The following SNW1 variants were observed in gnomAD, a reference collection of about 807,000 sequenced individuals.
The protein encoded by SNW1 is SNW domain-containing protein 1.
SNW1 carries 9 observed loss-of-function variants against 75.6 expected under a neutral mutation model. The ratio of observed to expected loss-of-function variants is 0.12; its 90% CI spans 0.07 to 0.21. SNW1 has a LOEUF of 0.21. Ranked by LOEUF, SNW1 falls within the 10% of genes least tolerant of loss-of-function variation. The pLI is 1.00. For missense variants in SNW1, 409 were observed against 670.9 expected (o/e 0.61, Z 4.31); for synonymous variants, 200 against 219.1 (o/e 0.91, Z 0.77).
At chr14:77,720,470 A>G in intron 12 of SNW1, 1 of 702,090 alleles carries the variant, frequency 1.4e-6, no homozygotes, top group Non-Finnish European at 2.6e-6. Flanking sequence ...AGGTTGACAT[A>G]CCACAACACC....
chr14:77,740,337 A>G (rs534903113), intron 3 of SNW1, among the ~76,000 whole-genome samples: 1 of 152,204 alleles, frequency 6.6e-6, no homozygotes, highest in East Asian at 1.9e-4. Flanking sequence ...CTACAAGCCA[A>G]AGTCTTATAT....
rs1194769278 is a variant in SNW1, at chr14:77,754,995, C to T, written c.140G>A (p.Arg47Gln). 5 of 1,606,120 alleles carry T rather than the reference C, an allele frequency of 3.1e-6. No homozygotes were observed. Among genetic ancestry groups the T allele is most frequent in the Admixed American group, 1.7e-5 (1 of 59,198 alleles). The change falls in exon 2 of 14, where the codon CGG (arginine) becomes CAG (glutamine). Residue 47 changes from arginine to glutamine, a missense_variant. Transcript: ENST00000261531. Reference sequence around the variant, plus strand: ...TAATAACCGAGGTATCCAGCCTTTCCGGTATCCGTACGGGGGAGGTTCTCT... The same window carrying T: ...TAATAACCGAGGTATCCAGCCTTTCTGGTATCCGTACGGGGGAGGTTCTCT... ...SRREPPPYGYRKGWIPRLLED... is the reference protein window; with the variant it reads ...SRREPPPYGYQKGWIPRLLED...
chr14:77,747,986 G>A (rs1037915164), intron 3 of SNW1, among the ~76,000 whole-genome samples: 4 of 152,238 alleles, frequency 2.6e-5, no homozygotes, highest in Admixed American at 2.0e-4. Flanking sequence ...GAAATGTGGG[G>A]AAAAGATAGA....
chr14:77,755,079 T>A lies in SNW1; in HGVS notation c.56A>T (p.Glu19Val), dbSNP rs1373598180. The change falls in exon 2 of 14, where the codon GAG becomes GTG. Residue 19 changes from glutamate (E) to valine (V), a missense_variant. Physicochemically the swap from Glu to Val is moderately radical, Grantham distance 121. Coordinates refer to ENST00000261531, the MANE Select transcript of SNW1 (RefSeq NM_012245.3). ...APTQLSQDQL[E>V]AEEKARSQRS... ...CTGGGATCTTGCCTTTTCTTCAGCC[T>A]CAAGCTGGTCCTGAGATAGCTGAGT... 1 of 1,613,094 alleles carries A rather than the reference T, an allele frequency of 6.2e-7. No homozygotes were observed. The highest frequency in any genetic ancestry group is 8.5e-7 in the Non-Finnish European group (1 of 1,179,952).
intron 3 of SNW1, among the ~76,000 whole-genome samples, chr14:77,747,191 T>G (rs536790402): frequency 1.3e-5 from 2 of 152,298 alleles, no homozygotes; most frequent in African/African-American, 4.8e-5. Flanking sequence ...GGTGCCGGGA[T>G]TGCAGACGGA....
At chr14:77,737,469 A>G (rs1318147590) in intron 5 of SNW1, among the ~76,000 whole-genome samples, 1 of 152,174 alleles carries the variant, frequency 6.6e-6, no homozygotes, top group Non-Finnish European at 1.5e-5. Flanking sequence ...ATAGGTTATA[A>G]AACAGAGAAA....
At chr14:77,740,762 T>G (rs953381528) in intron 3 of SNW1, among the ~76,000 whole-genome samples, 4 of 152,106 alleles carry the variant, frequency 2.6e-5, no homozygotes, top group Admixed American at 6.5e-5. Context: ...CAGCATGAAA[T>G]TATCTACTTT....
chr14:77,758,333 A>AAAAAC (rs386381889), intron 1 of SNW1, among the ~76,000 whole-genome samples: 7 of 151,670 alleles, frequency 4.6e-5, no homozygotes, highest in Admixed American at 1.3e-4. Context: ...AAAAAAAAAA[A>AAAAAC]AAAGAACAAA....
chr14:77,717,996 T>A lies in SNW1; in HGVS notation c.*92A>T. On this transcript the variant is annotated 3_prime_UTR_variant, in exon 14 of 14. Coordinates refer to ENST00000261531, the MANE Select transcript of SNW1 (RefSeq NM_012245.3). ...CTGGGATCTGGCACCCAGATTTGGT[T>A]TTTATCCTGACCATTTACAAAGTGT... The A allele has an allele frequency of 7.8e-7, 1 of 1,274,682 alleles. No individual in the cohort carries two copies. Among genetic ancestry groups the A allele is most frequent in the South Asian group, 1.7e-5 (1 of 58,206 alleles). 79.0% of individuals were successfully genotyped at this position (1,274,682 alleles called of 1,614,324 possible). A position where few individuals can be genotyped will look rare whatever the true frequency, so the allele number is the denominator to read the frequency against.
chr14:77,743,791 C>T (rs2080737139), intron 3 of SNW1, among the ~76,000 whole-genome samples: 1 of 152,110 alleles, frequency 6.6e-6, no homozygotes, highest in South Asian at 2.1e-4. Context: ...GGTAGTGCCA[C>T]TTATGCTAAA....
chr14:77,734,521 C>G lies in SNW1; in HGVS notation c.774+426G>C, dbSNP rs1257597554. Among the ~76,000 whole-genome samples the G allele has an allele frequency of 2.0e-5, 3 of 152,190 alleles. No homozygotes were observed. In the East Asian group the frequency reaches 5.8e-4, roughly 29 times the overall value. On this transcript the variant is annotated intron_variant, in intron 8 of 13. Transcript: ENST00000261531. Reference sequence around the variant, plus strand: ...TTGGGTGGCCGAGGCCGGCGGATCACAAGGTCGGGAGATCAAGACCAACCT... The same window carrying G: ...TTGGGTGGCCGAGGCCGGCGGATCAGAAGGTCGGGAGATCAAGACCAACCT...
At chr14:77,740,135 T>TAAAAAA (rs1170373918) in intron 3 of SNW1, among the ~76,000 whole-genome samples, 3 of 65,190 alleles carry the variant, frequency 4.6e-5, no homozygotes, top group South Asian at 7.6e-4. Context: ...CACTGTATAT[T>TAAAAAA]AAAAAAAAAA....
At chr14:77,746,433 A>G (rs1288302804) in intron 3 of SNW1, among the ~76,000 whole-genome samples, 3 of 152,230 alleles carry the variant, frequency 2.0e-5, no homozygotes, top group Non-Finnish European at 4.4e-5. Flanking sequence ...GATCGTTCAC[A>G]GAGAATAAAT....
rs937607342 is a variant in SNW1 at position 77,751,383 on chromosome 14, T to C, written c.266A>G (p.Gln89Arg). The change falls in exon 3 of 14, where the codon CAG (glutamine) becomes CGG (arginine). Residue 89 changes from glutamine (Q) to arginine (R), a missense_variant. Gln to Arg is a conservative substitution (Grantham distance 43). Transcript: ENST00000261531. The part of the protein sequence containing the change: ...KKKMSNALAI[Q>R]VDSEGKIKYD... ...TTTAATTTTTCCTTCAGAATCCACC[T>C]GAATGGCCAGCGCATTCGACATTTT... is the stretch of plus-strand genomic sequence containing the variant. 4 of 1,613,820 alleles carry C rather than the reference T, an allele frequency of 2.5e-6. No homozygotes were observed. In the African/African-American group the frequency reaches 5.3e-5, roughly 22 times the overall value.
intron 10 of SNW1, among the ~76,000 whole-genome samples, chr14:77,730,330 C>A (rs759243263): frequency 8.5e-5 from 13 of 152,182 alleles, no homozygotes; most frequent in Non-Finnish European, 1.9e-4. Context: ...TATATCCCAT[C>A]CCCCTACCCA....
In SNW1 at chr14:77,747,725, G is replaced by A. The variant is rs953438436; in HGVS notation, c.330+3594C>T. Among the ~76,000 whole-genome samples the A allele has an allele frequency of 3.2e-4, 47 of 147,298 alleles. 4 individuals carry two copies. In the East Asian group the frequency reaches 8.9e-3, roughly 28 times the overall value. On this transcript the variant is annotated intron_variant, in intron 3 of 13. Transcript: ENST00000261531. ...GGAGGTGCGGGGCAGCCCCCGCCCC[G>A]GCAGCCGCCCCGTCTGGGAGGGAGG...
At chr14:77,758,427 C>G (rs1174896041) in intron 1 of SNW1, among the ~76,000 whole-genome samples, 1 of 151,990 alleles carries the variant, frequency 6.6e-6, no homozygotes, top group Admixed American at 6.6e-5. Flanking sequence ...CAGGGCTATC[C>G]CACAGGCAGT....
chr14:77,736,393 C>T (rs1407036536), intron 6 of SNW1, among the ~76,000 whole-genome samples: 1 of 151,904 alleles, frequency 6.6e-6, no homozygotes, highest in East Asian at 1.9e-4. Flanking sequence ...ACTAAAAATA[C>T]AAAAACTTAG....
chr14:77,729,608 C>T (rs986703786), intron 10 of SNW1, among the ~76,000 whole-genome samples: 8 of 152,108 alleles, frequency 5.3e-5, no homozygotes, highest in South Asian at 2.1e-4. Flanking sequence ...ATCTAATATA[C>T]TGTATGTTAA....
Sources: allele counts gnomAD v4.1 joint callset (sites outside exome capture counted in the v4.1 genomes callset), GRCh38; gene constraint gnomAD v4.1.1; transcripts MANE v1.5; gene names NCBI Gene and HGNC (gene_info 2026-07-23, HGNC 2026-07-21).